CEP164: variants seen among roughly 807,000 people sequenced by gnomAD.
The protein encoded by CEP164 is centrosomal protein 164.
CEP164 carries 162 observed loss-of-function variants against 182.7 expected under a neutral mutation model. That is an observed-to-expected ratio of 0.89 (90% CI 0.78 to 1.01). The LOEUF is 1.01. Among genes scored for constraint, CEP164 ranks in the 50% least tolerant of loss-of-function variants. The pLI is 0.00. For missense variants in CEP164, 1,735 were observed against 1,790.4 expected (o/e 0.97, Z 0.56); for synonymous variants, 661 against 690.0 (o/e 0.96, Z 0.66).
At position 117,397,198 on chromosome 11, in the gene CEP164, C is replaced by T. The variant is rs1415307344; in HGVS notation, c.3386C>T (p.Thr1129Ile). Reference sequence around the variant, plus strand: ...ACACGCTCCATGCGGAGGCGGCAGACAGCTCTGAAAGCTGCCCAGCAGCAT... The same window carrying T: ...ACACGCTCCATGCGGAGGCGGCAGATAGCTCTGAAAGCTGCCCAGCAGCAT... ...QQTRSMRRRQTALKAAQQHWR... is the reference protein window; with the variant it reads ...QQTRSMRRRQIALKAAQQHWR... The change falls in exon 27 of 33, where the codon ACA becomes ATA. Residue 1129 changes from threonine to isoleucine, a missense_variant. By Grantham distance (89) the Thr-to-Ile change is moderately conservative. Transcript: ENST00000278935. 6.2e-7 allele frequency: 1 copy of T among 1,614,256 alleles called. No individual in the cohort carries two copies. Among genetic ancestry groups the T allele is most frequent in the Admixed American group, 1.7e-5 (1 of 60,032 alleles).
intron 5 of CEP164, 146 bp downstream of exon 5, chr11:117,352,134 T>C (rs2039716207): frequency 5.7e-6 from 4 of 706,168 alleles, no homozygotes; most frequent in Admixed American, 5.9e-5. Flanking sequence ...AAACTTTGCC[T>C]GTCTTCTGGT....
At chr11:117,355,295 G>T in intron 5 of CEP164, 1 of 1,289,844 alleles carries the variant, frequency 7.8e-7, no homozygotes, top group Non-Finnish European at 1.0e-6. Flanking sequence ...GGGGTTTTCA[G>T]ATCCTGAAAC....
Position 117,331,526 on chromosome 11 carries a change from C to T in CEP164, c.-98+3622C>T, listed in dbSNP as rs570826125. On this transcript the variant is annotated intron_variant, in intron 1 of 32. Transcript: ENST00000278935. ...TTTTGTTAAGATTGTTTTAATTATA[C>T]ACATGCAGTTATTGAGGCTGAGAGA... is the stretch of plus-strand genomic sequence containing the variant. Among the ~76,000 whole-genome samples the T allele has an allele frequency of 4.6e-5, 7 of 152,260 alleles. No homozygotes were observed. The South Asian group carries it at 8.3e-4, about 18-fold the overall frequency.
At chr11:117,410,277 C>T (rs578056360) in intron 30 of CEP164, 158 of 511,916 alleles carry the variant, frequency 3.1e-4, no homozygotes, top group Middle Eastern at 2.8e-3. Flanking sequence ...AGGTCATTGT[C>T]GTCATTATCT....
At position 117,392,183 on chromosome 11, in the gene CEP164, G is replaced by C. The variant is rs774463326; in HGVS notation, c.2284-43G>C. On this transcript the variant is annotated intron_variant, in intron 17 of 32. Coordinates refer to ENST00000278935, the MANE Select transcript of CEP164 (RefSeq NM_014956.5). ...CTGGCTCCGCCTCCCACCATGATCA[G>C]TACCTGGCCAGCTTCACTCACAGTC... 20 of 1,523,868 alleles carry C rather than the reference G, an allele frequency of 1.3e-5. No individual in the cohort carries two copies. The African/African-American group carries it at 2.3e-4, about 18-fold the overall frequency. 94.4% of individuals were successfully genotyped at this position (1,523,868 alleles called of 1,614,324 possible).
In CEP164 at chr11:117,394,272, C is replaced by T; in HGVS notation, c.2617-78C>T. The T allele has an allele frequency of 2.6e-6, 4 of 1,531,438 alleles. No individual in the cohort carries two copies. Among genetic ancestry groups the T allele is most frequent in the Non-Finnish European group, 3.5e-6 (4 of 1,132,748 alleles). The allele number at this position is 1,531,438 out of a possible 1,614,324, so 94.9% of individuals were successfully genotyped here. A position where few individuals can be genotyped will look rare whatever the true frequency, so the allele number is the denominator to read the frequency against. Reference sequence around the variant, plus strand: ...CCCTGATCTTACTGATGCAAGGCTGCAGGGCTAGGGGAGCTGTGATTTTTG... The same window carrying T: ...CCCTGATCTTACTGATGCAAGGCTGTAGGGCTAGGGGAGCTGTGATTTTTG... On this transcript the variant is annotated intron_variant, in intron 20 of 32. Coordinates refer to ENST00000278935, the MANE Select transcript of CEP164 (RefSeq NM_014956.5). This position sits in a 1 kb window ranked among gnomAD's most constrained non-coding sequence, Gnocchi z 4.0.
chr11:117,379,450 C>T (rs776268153), intron 11 of CEP164, among the ~76,000 whole-genome samples: 2 of 152,140 alleles, frequency 1.3e-5, no homozygotes, highest in African/African-American at 2.4e-5. Context: ...CCAGAACAGA[C>T]GGGGCTCCTG....
chr11:117,372,574 C>T (rs1007836536), intron 9 of CEP164, among the ~76,000 whole-genome samples: 3 of 152,120 alleles, frequency 2.0e-5, no homozygotes, highest in Non-Finnish European at 4.4e-5. Flanking sequence ...CGCCACCACA[C>T]CCAGCTAATT....
chr11:117,370,639 G>C (rs994791791), intron 8 of CEP164, among the ~76,000 whole-genome samples: 2 of 152,140 alleles, frequency 1.3e-5, no homozygotes, highest in African/African-American at 4.8e-5. Context: ...GGCTGGGTGT[G>C]GTGGCTCACG....
chr11:117,362,102 C>A, intron 6 of CEP164, 109 bp downstream of exon 6: 3 of 1,100,428 alleles, frequency 2.7e-6, no homozygotes, highest in Non-Finnish European at 2.6e-6. Context: ...CGGTGGAGTC[C>A]TCAGAGTTCG....
At chr11:117,349,412 C>T (rs968882788) in intron 4 of CEP164, among the ~76,000 whole-genome samples, 13 of 152,154 alleles carry the variant, frequency 8.5e-5, no homozygotes, top group Non-Finnish European at 1.8e-4. Context: ...GTTTGAATCC[C>T]TGCTTTCAAT....
At position 117,389,938 on chromosome 11, in the gene CEP164, C is replaced by CTT. The variant is rs34794541; in HGVS notation, c.1935-819_1935-818dup. Among the ~76,000 whole-genome samples, 264 of 94,616 alleles carry CTT rather than the reference C, an allele frequency of 2.8e-3. 2 individuals carry two copies. Among genetic ancestry groups the CTT allele is most frequent in the Non-Finnish European group, 4.2e-3 (203 of 48,054 alleles). 62.1% of individuals were successfully genotyped at this position (94,616 alleles called of 152,430 possible). ...CCAAAACCCAGAAGCCAGTAGTTTG[C>CTT]TTTTTTTTTTTTTTTTTTTTTGGAG... On this transcript the variant is annotated intron_variant, in intron 15 of 32. Coordinates refer to ENST00000278935, the MANE Select transcript of CEP164 (RefSeq NM_014956.5).
At chr11:117,338,746 C>T in intron 3 of CEP164, 78 bp downstream of exon 3, 2 of 1,136,244 alleles carry the variant, frequency 1.8e-6, no homozygotes, top group Non-Finnish European at 2.7e-6. Context: ...TATTTTTATT[C>T]TTTCAGTGCA....
intron 1 of CEP164, among the ~76,000 whole-genome samples, chr11:117,331,941 G>A (rs1027598824): frequency 1.1e-4 from 16 of 150,682 alleles, no homozygotes; most frequent in East Asian, 2.0e-4. Context: ...TCAGCCTTCC[G>A]AGTAGCTGGG....
rs1161536625 is a variant in CEP164, at chr11:117,392,540, A to G, written c.2406A>G (p.Lys802=). 1 of 1,614,042 alleles carries G rather than the reference A, an allele frequency of 6.2e-7. No homozygotes were observed. The highest frequency in any genetic ancestry group is 1.3e-5 in the African/African-American group (1 of 74,920). The part of the protein sequence containing the change: ...LQKKIQEAQQ[K]EEAQLQKCLG... ...AGAAGATACAGGAAGCTCAACAGAA[A>G]GAGGAGGCCCAGCTGCAGAAGTGCC... The change falls in exon 19 of 33, where the codon AAA becomes AAG. Residue 802 remains lysine, a synonymous_variant. Coordinates refer to ENST00000278935, the MANE Select transcript of CEP164 (RefSeq NM_014956.5).
rs1255254485 is a variant in CEP164 at position 117,336,472 on chromosome 11, A to G, written c.-22+792A>G. 6.7e-6 allele frequency: 10 copies of G among 1,486,976 alleles called. No individual in the cohort carries two copies. The Admixed American group carries it at 1.7e-4, about 26-fold the overall frequency. The allele number at this position is 1,486,976 out of a possible 1,614,324, so 92.1% of individuals were successfully genotyped here. ...AGGATGAGGGGCCCCACCTGGGAGG[A>G]AAGCTGGATTGCCCTGGGGAACTCC... On this transcript the variant is annotated intron_variant, in intron 2 of 32. Coordinates refer to ENST00000278935, the MANE Select transcript of CEP164 (RefSeq NM_014956.5).
chr11:117,377,289 C>G lies in CEP164; in HGVS notation c.1317+1498C>G, dbSNP rs564265580. Among the ~76,000 whole-genome samples, 45 of 152,340 alleles carry G rather than the reference C, an allele frequency of 3.0e-4. 3 individuals carry two copies. Among genetic ancestry groups the G allele is most frequent in the African/African-American group, 1.1e-3 (45 of 41,586 alleles). On this transcript the variant is annotated intron_variant, in intron 11 of 32. Transcript: ENST00000278935. ...GATAGGGTTCATGCTCCTGTCAGAA[C>G]CCAGTGCCACTGCTGATCTGACAGG...
At chr11:117,327,031 G>C (rs2035487469), upstream of CEP164, among the ~76,000 whole-genome samples, 1 of 152,208 alleles carries the variant, frequency 6.6e-6, no homozygotes, top group East Asian at 1.9e-4. Flanking sequence ...GGTGTGTGGA[G>C]GAGCTACACA....
rs1357737728 is a variant in CEP164, at chr11:117,394,478, C to T, written c.2745C>T (p.Arg915=). 2 of 1,613,954 alleles carry T rather than the reference C, an allele frequency of 1.2e-6. No homozygotes were observed. Among genetic ancestry groups the T allele is most frequent in the Admixed American group, 1.7e-5 (1 of 60,022 alleles). The change falls in exon 21 of 33, where the codon CGC becomes CGT. Residue 915 remains arginine (R), a synonymous_variant. Transcript: ENST00000278935. This position sits in a 1 kb window ranked among gnomAD's most constrained non-coding sequence, Gnocchi z 4.0. ...ACAAGCGTCTTGAGGACTTGCGGCG[C>T]CGGCACAGGGAGCAGGTGAGGGGCC... ...EQHKRLEDLR[R]RHREQERKLQ...
Sources: gnomAD v4.1 joint callset for allele counts (sites outside exome capture counted in the v4.1 genomes callset) on GRCh38, gnomAD v4.1.1 for gene constraint, Gnocchi (gnomAD v3.1) non-coding constraint, MANE v1.5 for transcripts, NCBI Gene and HGNC (gene_info 2026-07-23, HGNC 2026-07-21) for gene names.